NLRP13: variants seen among roughly 807,000 people sequenced by gnomAD.
NLRP13 encodes NACHT, LRR and PYD domains-containing protein 13.
Under a neutral mutation model 94.4 loss-of-function variants are expected in NLRP13, and 82 were observed. That is an observed-to-expected ratio of 0.87 (90% CI 0.73 to 1.04). NLRP13 has a LOEUF of 1.04. Ranked by LOEUF, NLRP13 falls within the 50% of genes least tolerant of loss-of-function variation. NLRP13 has a pLI of 0.00. For synonymous variants in NLRP13, 553 were observed against 464.7 expected, an observed-to-expected ratio of 1.19 and a Z score of -2.45; for missense variants, 1,426 against 1,230.8, an observed-to-expected ratio of 1.16 and a Z score of -2.37.
Position 55,912,424 on chromosome 19 carries a change from A to T in NLRP13, c.1393T>A (p.Ser465Thr). ...TCTGCCAAATCTACCTCTGCTGTGG[A>T]GAACAAGTTGGAGAAAAAATAGGCA... ...LYAYFFSNLF[S>T]TAEVDLADDS... Residue 465 changes from serine (S) to threonine (T), a missense_variant, in exon 5 of 11, where the codon TCC becomes ACC. By Grantham distance (58) the Ser-to-Thr change is moderately conservative. Transcript: ENST00000342929. 2 of 1,614,166 alleles carry T rather than the reference A, an allele frequency of 1.2e-6. No individual in the cohort carries two copies. The highest frequency in any genetic ancestry group is 2.2e-5 in the South Asian group (2 of 91,084).
intron 1 of NLRP13, among the ~76,000 whole-genome samples, chr19:55,930,901 A>ATATATATATATATATTTTT (rs1338071833): frequency 2.1e-4 from 21 of 98,296 alleles, no homozygotes; most frequent in South Asian, 3.1e-4. Context: ...TATATATAAA[A>ATATATATATATATATTTTT]TTTTAACCAG....
At chr19:55,897,712 A>C (rs1311220047) in intron 10 of NLRP13, among the ~76,000 whole-genome samples, 1 of 152,230 alleles carries the variant, frequency 6.6e-6, no homozygotes, top group Admixed American at 6.5e-5. Flanking sequence ...ATGAGAGAAC[A>C]AGTCTAGTTT....
At position 55,902,093 on chromosome 19, in the gene NLRP13, C is replaced by T; in HGVS notation, c.2731G>A (p.Gly911Arg). 1 of 1,614,128 alleles carries T rather than the reference C, an allele frequency of 6.2e-7. No homozygotes were observed. Residue 911 changes from glycine (G) to arginine (R), a missense_variant, in exon 9 of 11, where the codon GGA (glycine) becomes AGA (arginine). By Grantham distance (125) the Gly-to-Arg change is moderately radical. Transcript: ENST00000342929. ...AAGGCCTCACACAGGAACTTGACTC[C>T]CTCGTCTCTCAGGCTGTTCTTGCTC... ...NLSKNSLRDE[G>R]VKFLCEALGR... is the part of the protein sequence containing the mutation.
chr19:55,923,051 A>T (rs1410191618), intron 4 of NLRP13, among the ~76,000 whole-genome samples: 1 of 152,210 alleles, frequency 6.6e-6, no homozygotes, highest in Non-Finnish European at 1.5e-5. Flanking sequence ...CTTTGATAAA[A>T]CTAAACTTAG....
At chr19:55,911,615 G>A (rs565439900) in intron 5 of NLRP13, 91 bp downstream of exon 5, 18 of 1,244,588 alleles carry the variant, frequency 1.4e-5, no homozygotes, top group East Asian at 4.7e-5. Flanking sequence ...AATACATAAC[G>A]ACAACACATC....
chr19:55,913,884 G>A (rs1488044405), intron 4 of NLRP13, among the ~76,000 whole-genome samples: 1 of 152,100 alleles, frequency 6.6e-6, no homozygotes, highest in Non-Finnish European at 1.5e-5. Context: ...AGCCAGTAGA[G>A]GGGGCCCATG....
At chr19:55,892,260 C>T, downstream of NLRP13, 1 of 505,952 alleles carries the variant, frequency 2.0e-6, no homozygotes, top group Non-Finnish European at 3.1e-6. Flanking sequence ...TGTGAATGAT[C>T]CCATCACCCA....
chr19:55,930,940 CTGAT>C (rs1987115798), intron 1 of NLRP13, among the ~76,000 whole-genome samples: 2 of 120,512 alleles, frequency 1.7e-5, no homozygotes, highest in African/African-American at 7.3e-5. Context: ...TTTATACTTG[CTGAT>C]TAATTACAAA....
In NLRP13 at chr19:55,910,743, G is replaced by A. The variant is rs746614674; in HGVS notation, c.2112-10C>T. 1 of 1,596,440 alleles carries A rather than the reference G, an allele frequency of 6.3e-7. No homozygotes were observed. The highest frequency in any genetic ancestry group is 1.1e-5 in the South Asian group (1 of 89,760). On this transcript the variant is annotated splice_polypyrimidine_tract_variant and intron_variant, in intron 5 of 10. Transcript: ENST00000342929. The stretch of plus-strand genomic sequence containing the variant: ...ATCAAACTTGCTTGTCCTTCATGAG[G>A]GAGAGACAGAACACGGATAAGAGCA...
chr19:55,908,517 A>C (rs533522555), intron 6 of NLRP13, among the ~76,000 whole-genome samples: 148 of 152,356 alleles, frequency 9.7e-4, no homozygotes, highest in African/African-American at 3.3e-3. Context: ...ACAGGAAATC[A>C]ACCTAAATTC....
chr19:55,902,843 T>C (rs531878949), intron 8 of NLRP13, among the ~76,000 whole-genome samples: 1 of 150,432 alleles, frequency 6.6e-6, no homozygotes, highest in South Asian at 2.1e-4. Context: ...ATTACATACA[T>C]ATATTGCATA....
In NLRP13 at chr19:55,898,721, C is replaced by A; in HGVS notation, c.2957+49G>T. On this transcript the variant is annotated intron_variant, in intron 10 of 10. Transcript: ENST00000342929. Reference sequence around the variant, plus strand: ...TGGGATCCGATCATATCTCCCCACCCGCAAGAGTAGAGAAGGAAGACTCTG... The same window carrying A: ...TGGGATCCGATCATATCTCCCCACCAGCAAGAGTAGAGAAGGAAGACTCTG... The A allele has an allele frequency of 2.6e-6, 4 of 1,524,292 alleles. No homozygotes were observed. In the South Asian group the frequency reaches 5.2e-5, roughly 20 times the overall value. 94.4% of individuals were successfully genotyped at this position (1,524,292 alleles called of 1,614,324 possible).
chr19:55,929,800 A>C (rs1786683421), intron 1 of NLRP13, among the ~76,000 whole-genome samples: 2 of 152,224 alleles, frequency 1.3e-5, no homozygotes, highest in African/African-American at 2.4e-5. Context: ...AAAGAGGAAA[A>C]TAATAAAGAT....
intron 4 of NLRP13, 139 bp from the exon 5 acceptor site, chr19:55,913,432 A>G (rs1986589173): frequency 1.7e-5 from 16 of 958,208 alleles, no homozygotes; most frequent in East Asian, 2.5e-5. Flanking sequence ...GCAGTGGTAG[A>G]AAGTTGCAAA....
In NLRP13 at chr19:55,912,140, A is replaced by G. The variant is rs1986535461; in HGVS notation, c.1677T>C (p.His559=). The change falls in exon 5 of 11, where the codon CAT becomes CAC. Residue 559 remains histidine (H), a synonymous_variant. Coordinates refer to ENST00000342929, the MANE Select transcript of NLRP13 (RefSeq NM_176810.2). ...VLEEPREFPP[H]STKPQEMKML... ...TCTTCATCTCTTGTGGCTTTGTGGAATGGGGAGGGAATTCTCTAGGTTCCT... is the reference window on the plus strand; with the variant it reads ...TCTTCATCTCTTGTGGCTTTGTGGAGTGGGGAGGGAATTCTCTAGGTTCCT... 1 of 1,614,030 alleles carries G rather than the reference A, an allele frequency of 6.2e-7. No homozygotes were observed. The highest frequency in any genetic ancestry group is 8.5e-7 in the Non-Finnish European group (1 of 1,180,028).
intron 4 of NLRP13, among the ~76,000 whole-genome samples, chr19:55,922,940 G>A (rs1986869515): frequency 6.6e-6 from 1 of 152,224 alleles, no homozygotes; most frequent in South Asian, 2.1e-4. Context: ...GGATGTCTCT[G>A]TAGAGCAGAC....
At chr19:55,904,611 C>T (rs1413359810) in intron 8 of NLRP13, among the ~76,000 whole-genome samples, 1 of 152,186 alleles carries the variant, frequency 6.6e-6, no homozygotes, top group African/African-American at 2.4e-5. Context: ...ATACCTTCCA[C>T]ATGGGCAGGA....
rs760075129 is a variant in NLRP13 at position 55,896,083 on chromosome 19, C to G, written c.2994G>C (p.Gln998His). ...AKCNLTTACC[Q>H]HLFSVLSSSK... The stretch of plus-strand genomic sequence containing the variant: ...TGCTGCTGAGAACAGAGAAGAGATG[C>G]TGGCAGCAAGCAGTTGTCAGATTGC... Residue 998 changes from glutamine to histidine, a missense_variant, in exon 11 of 11, where the codon CAG becomes CAC. Gln to His is a conservative substitution (Grantham distance 24). Coordinates refer to ENST00000342929, the MANE Select transcript of NLRP13 (RefSeq NM_176810.2). 14 of 1,614,002 alleles carry G rather than the reference C, an allele frequency of 8.7e-6. No individual in the cohort carries two copies. The highest frequency in any genetic ancestry group is 1.2e-5 in the Non-Finnish European group (14 of 1,180,006).
At chr19:55,920,073 C>G (rs550350743) in intron 4 of NLRP13, among the ~76,000 whole-genome samples, 1 of 152,100 alleles carries the variant, frequency 6.6e-6, no homozygotes, top group African/African-American at 2.4e-5. Flanking sequence ...AAAACACGCA[C>G]TAGGGAAAGG....
Sources: gnomAD v4.1 joint callset for allele counts (sites outside exome capture counted in the v4.1 genomes callset) on GRCh38, gnomAD v4.1.1 for gene constraint, MANE v1.5 for transcripts, NCBI Gene and HGNC (gene_info 2026-07-23, HGNC 2026-07-21) for gene names.